Variants in CEBPZOS observed in about 807,000 individuals in gnomAD.
CEBPZOS encodes CEBPZ opposite strand, also known as protein CEBPZOS.
CEBPZOS carries 10 observed loss-of-function variants against 4.8 expected under a neutral mutation model. The observed-to-expected ratio is 2.07, with a 90% CI of 1.28 to 3.52. CEBPZOS has a LOEUF of 3.52. CEBPZOS is among the 30% of genes most tolerant of loss of function. The probability of loss-of-function intolerance (pLI) is 0.00; values close to 1 mark genes in which losing one functional copy is unlikely to be tolerated. For missense variants in CEBPZOS, 98 were observed against 43.6 expected (o/e 2.25, Z -3.51); for synonymous variants, 25 against 14.2 (o/e 1.77, Z -1.72).
chr2:37,211,727 G>A, intron 4 of CEBPZOS: 1 of 709,446 alleles, frequency 1.4e-6, no homozygotes, highest in Non-Finnish European at 2.2e-6. Context: ...GTTTCTGGCT[G>A]ACATGAGTAT....
intron 4 of CEBPZOS, chr2:37,212,693 T>A: frequency 2.5e-6 from 1 of 406,912 alleles, no homozygotes; most frequent in Non-Finnish European, 4.4e-6. Context: ...TCGTCCTTTT[T>A]ACTCTATTAG....
downstream of CEBPZOS, among the ~76,000 whole-genome samples, chr2:37,205,825 T>C (rs2148338654): frequency 6.6e-6 from 1 of 152,356 alleles, no homozygotes; most frequent in South Asian, 2.1e-4. Context: ...TGTGTTACAC[T>C]GTGAAGCAGA....
rs916727817 is a variant in CEBPZOS, at chr2:37,201,871, C to G, written c.*11C>G. On this transcript the variant is annotated 3_prime_UTR_variant, in exon 5 of 5. Coordinates refer to ENST00000402297, the MANE Select transcript of CEBPZOS (RefSeq NM_001322374.2). ...GCATCTCTGTTGTGTAGCCAGTCAT[C>G]ACGTTCAGCCTCCCATCTAAGCTGT... 7 of 1,613,644 alleles carry G rather than the reference C, an allele frequency of 4.3e-6. No individual in the cohort carries two copies. In the African/African-American group the frequency reaches 9.4e-5, roughly 22 times the overall value.
rs1440418839 is a variant in CEBPZOS at position 37,204,297 on chromosome 2, G to A, written c.*2437G>A. ...TTTTGATTTTTTTTTTTTTTTTTTT[G>A]AGACAGAGTCTCGCTTTGTCGCCAG... On this transcript the variant is annotated 3_prime_UTR_variant, in exon 5 of 5. Transcript: ENST00000402297. 5.1e-5 allele frequency: 2 copies of A among 38,912 alleles called. No individual in the cohort carries two copies. The highest frequency in any genetic ancestry group is 1.9e-3 in the South Asian group (2 of 1,074). 2.4% of individuals were successfully genotyped at this position (38,912 alleles called of 1,614,324 possible).
At position 37,199,699 on chromosome 2, in the gene CEBPZOS, T is replaced by C. The variant is rs532650309; in HGVS notation, c.-1-5T>C. 12 of 716,226 alleles carry C rather than the reference T, an allele frequency of 1.7e-5. No homozygotes were observed. The East Asian group carries it at 3.2e-4, about 19-fold the overall frequency. The allele number at this position is 716,226 out of a possible 1,614,324, so 44.4% of individuals were successfully genotyped here. On this transcript the variant is annotated splice_polypyrimidine_tract_variant and splice_region_variant and intron_variant, in intron 1 of 4. Transcript: ENST00000402297. ...AGGTTTACACATATCTGTTGTTAAATTTAGGATGGCCCGTACTTTGGAACC... is the reference window on the plus strand; with the variant it reads ...AGGTTTACACATATCTGTTGTTAAACTTAGGATGGCCCGTACTTTGGAACC...
In CEBPZOS at chr2:37,213,696, G is replaced by A. The variant is rs1677796856; in HGVS notation, c.*262G>A. The stretch of plus-strand genomic sequence containing the variant: ...GCCAAAGTGCTGGGATTACAGGTGT[G>A]AGCCACAGCGCCTGGCCCCAAATAT... On this transcript the variant is annotated 3_prime_UTR_variant, in exon 5 of 5. Coordinates refer to the CEBPZOS transcript ENST00000397064. 5.0e-5 allele frequency: 27 copies of A among 535,214 alleles called. 2 individuals carry two copies. Among genetic ancestry groups the A allele is most frequent in the South Asian group, 5.0e-4 (23 of 46,298 alleles). 33.2% of individuals were successfully genotyped at this position (535,214 alleles called of 1,614,324 possible). A position where few individuals can be genotyped will look rare whatever the true frequency, so the allele number is the denominator to read the frequency against.
intron 3 of CEBPZOS, 127 bp downstream of exon 3, chr2:37,201,219 C>A (rs895224146): frequency 4.9e-6 from 3 of 615,360 alleles, no homozygotes; most frequent in Non-Finnish European, 5.9e-6. Context: ...TCTTCTGAGA[C>A]TAAATTCTCA....
rs1677704393 is a variant in CEBPZOS at position 37,211,005 on chromosome 2, A to C, written c.*3-2432A>C. 3 of 1,608,426 alleles carry C rather than the reference A, an allele frequency of 1.9e-6. No homozygotes were observed. The South Asian group carries it at 3.3e-5, about 18-fold the overall frequency. ...ATTAAATGTATTTTCTTACCTTGAA[A>C]TGAGCCAGCAAAGTCAAAATCATCT... On this transcript the variant is annotated intron_variant, in intron 4 of 4. Transcript: ENST00000397064.
At chr2:37,215,575 T>C (rs1677848005), downstream of CEBPZOS, 1 of 152,526 alleles carries the variant, frequency 6.6e-6, no homozygotes, top group Non-Finnish European at 1.5e-5. Context: ...AATTAAATGA[T>C]CTATAAGGTC....
At chr2:37,205,190 G>A (rs1231076233), downstream of CEBPZOS, among the ~76,000 whole-genome samples, 1 of 152,192 alleles carries the variant, frequency 6.6e-6, no homozygotes, top group Non-Finnish European at 1.5e-5. Context: ...GTGAGGCTCT[G>A]AAAGACTACT....
At chr2:37,208,575 T>C (rs1299151871), downstream of CEBPZOS, among the ~76,000 whole-genome samples, 1 of 152,090 alleles carries the variant, frequency 6.6e-6, no homozygotes, top group Non-Finnish European at 1.5e-5. Flanking sequence ...AGAAAAAGCA[T>C]TTGACAAAAT....
At chr2:37,207,126 T>TA (rs2148340978), downstream of CEBPZOS, among the ~76,000 whole-genome samples, 1 of 152,266 alleles carries the variant, frequency 6.6e-6, no homozygotes, top group Admixed American at 6.5e-5. Context: ...TATATGCACC[T>TA]ACCACCAGAG....
At chr2:37,210,242 G>C (rs968817138) in intron 4 of CEBPZOS, 4 of 152,202 alleles carry the variant, frequency 2.6e-5, no homozygotes, top group African/African-American at 9.7e-5. Flanking sequence ...ACTGAAAGTA[G>C]AACTATCATT....
In CEBPZOS at chr2:37,203,344, A is replaced by G. The variant is rs1677374767; in HGVS notation, c.*1484A>G. On this transcript the variant is annotated 3_prime_UTR_variant, in exon 5 of 5. Transcript: ENST00000402297. ...GTTTGACATGGATGGGTTTTGAAAT[A>G]CTTAAGACACAACATAAAATTTAGT... 1 of 165,834 alleles carries G rather than the reference A, an allele frequency of 6.0e-6. No homozygotes were observed. Among genetic ancestry groups the G allele is most frequent in the South Asian group, 2.0e-4 (1 of 5,074 alleles). The allele number at this position is 165,834 out of a possible 1,614,324, so 10.3% of individuals were successfully genotyped here. A position where few individuals can be genotyped will look rare whatever the true frequency, so the allele number is the denominator to read the frequency against.
Position 37,202,032 on chromosome 2 carries a change from A to C in CEBPZOS, c.*172A>C. 5 of 615,134 alleles carry C rather than the reference A, an allele frequency of 8.1e-6. No homozygotes were observed. The highest frequency in any genetic ancestry group is 3.6e-5 in the South Asian group (1 of 27,886). 38.1% of individuals were successfully genotyped at this position (615,134 alleles called of 1,614,324 possible). A position where few individuals can be genotyped will look rare whatever the true frequency, so the allele number is the denominator to read the frequency against. On this transcript the variant is annotated 3_prime_UTR_variant, in exon 5 of 5. Transcript: ENST00000402297. ...CTGTGGTTTCCCACCCACTATACAA[A>C]CCCACTGCTTGTTTGTTGCTTTTCT...
At chr2:37,205,187 T>TC (rs1677491391), downstream of CEBPZOS, among the ~76,000 whole-genome samples, 1 of 152,196 alleles carries the variant, frequency 6.6e-6, no homozygotes, top group African/African-American at 2.4e-5. Flanking sequence ...GGCGTGAGGC[T>TC]CTGAAAGACT....
chr2:37,203,221 G>T lies in CEBPZOS; in HGVS notation c.*1361G>T, dbSNP rs1003743074. 8.8e-6 allele frequency: 3 copies of T among 339,246 alleles called. No individual in the cohort carries two copies. The highest frequency in any genetic ancestry group is 9.5e-5 in the East Asian group (2 of 21,090). The allele number at this position is 339,246 out of a possible 1,614,324, so 21.0% of individuals were successfully genotyped here. ...AACAACATCCTAATAGAACTGTTCA[G>T]ATGACAAGAGTGTCTTCTTGCTTTT... On this transcript the variant is annotated 3_prime_UTR_variant, in exon 5 of 5. Coordinates refer to ENST00000402297, the MANE Select transcript of CEBPZOS (RefSeq NM_001322374.2).
chr2:37,200,658 TAAGA>T (rs1677176172), intron 2 of CEBPZOS, among the ~76,000 whole-genome samples: 1 of 70,342 alleles, frequency 1.4e-5, no homozygotes, highest in Non-Finnish European at 2.5e-5. Flanking sequence ...CACTGTATCT[TAAGA>T]AAAAAAAAAA....
intron 4 of CEBPZOS, chr2:37,210,153 A>C (rs1677675073): frequency 6.6e-6 from 1 of 152,218 alleles, no homozygotes; most frequent in African/African-American, 2.4e-5. Context: ...TGTGGTAATA[A>C]GGGAACACTT....
Sources: gnomAD v4.1 joint callset for allele counts (sites outside exome capture counted in the v4.1 genomes callset) on GRCh38, gnomAD v4.1.1 for gene constraint, MANE v1.5 for transcripts, NCBI Gene and HGNC (gene_info 2026-07-23, HGNC 2026-07-21) for gene names.